Variants in LSAMP observed in about 807,000 individuals in gnomAD.
The protein encoded by LSAMP is limbic system-associated membrane protein.
In LSAMP, 7 loss-of-function variants were observed where a neutral mutation model predicts 38.6. The observed-to-expected ratio is 0.18, with a 90% confidence interval of 0.10 to 0.34. The LOEUF (loss-of-function observed/expected upper bound fraction) is 0.34, where lower values mean the gene tolerates loss of function less well. Among genes scored for constraint, LSAMP ranks in the 10% least tolerant of loss-of-function variants. LSAMP has a pLI of 1.00. For synonymous variants in LSAMP, 154 were observed against 166.8 expected (o/e 0.92, Z 0.59); for missense variants, 313 against 420.0 (o/e 0.75, Z 2.23).
intron 1 of LSAMP, among the ~76,000 whole-genome samples, chr3:116,163,037 T>C (rs1709936438): frequency 6.6e-6 from 1 of 151,712 alleles, no homozygotes; most frequent in Admixed American, 6.6e-5. Context: ...AACAGCAAAA[T>C]GAAAATAATT....
intron 1 of LSAMP, among the ~76,000 whole-genome samples, chr3:116,221,478 A>G (rs1295589533): frequency 1.3e-5 from 2 of 152,072 alleles, no homozygotes; most frequent in Non-Finnish European, 2.9e-5. Flanking sequence ...CAGCCATTCC[A>G]CTTGTATGAG....
At chr3:116,002,030 C>G (rs1940011054) in intron 3 of LSAMP, among the ~76,000 whole-genome samples, 1 of 152,106 alleles carries the variant, frequency 6.6e-6, no homozygotes, top group Admixed American at 6.6e-5. Context: ...TTCTCTTTGA[C>G]TTTAACTTTT....
intron 1 of LSAMP, among the ~76,000 whole-genome samples, chr3:116,307,354 G>A (rs1031672867): frequency 3.0e-4 from 46 of 151,932 alleles, no homozygotes; most frequent in Non-Finnish European, 5.6e-4. Flanking sequence ...AAACTAATTT[G>A]CAATACTTTA....
intron 1 of LSAMP, among the ~76,000 whole-genome samples, chr3:116,092,908 G>A (rs1294340244): frequency 6.6e-6 from 1 of 152,126 alleles, no homozygotes; most frequent in Non-Finnish European, 1.5e-5. Context: ...TATTTAACAA[G>A]CATTAATGGC....
intron 3 of LSAMP, among the ~76,000 whole-genome samples, chr3:115,926,428 T>C (rs1559883761): frequency 6.6e-6 from 1 of 152,208 alleles, no homozygotes; most frequent in African/African-American, 2.4e-5. Flanking sequence ...CATAAACATT[T>C]TTCTAGCACT....
chr3:116,086,689 T>C, intron 1 of LSAMP, 133 bp from the exon 2 acceptor site: 1 of 693,618 alleles, frequency 1.4e-6, no homozygotes, highest in South Asian at 1.9e-5. Flanking sequence ...CATGCCATTC[T>C]TGGAGTCCTT....
intron 1 of LSAMP, among the ~76,000 whole-genome samples, chr3:116,142,783 T>A (rs1709398719): frequency 6.6e-6 from 1 of 151,882 alleles, no homozygotes; most frequent in Non-Finnish European, 1.5e-5. Context: ...TCAGGTTTCA[T>A]CTGAATAACA....
At chr3:115,875,473 T>A (rs1345722196) in intron 3 of LSAMP, among the ~76,000 whole-genome samples, 1 of 152,130 alleles carries the variant, frequency 6.6e-6, no homozygotes, top group Non-Finnish European at 1.5e-5. Context: ...GGGTTCAGAA[T>A]AATTACAATA....
chr3:115,832,559 C>T (rs1396376388), intron 6 of LSAMP, among the ~76,000 whole-genome samples: 2 of 152,076 alleles, frequency 1.3e-5, no homozygotes, highest in Non-Finnish European at 2.9e-5. Flanking sequence ...AGCTGCATTT[C>T]GCTTGGGTTA....
chr3:115,956,085 A>G (rs1938445805), intron 3 of LSAMP, among the ~76,000 whole-genome samples: 1 of 152,146 alleles, frequency 6.6e-6, no homozygotes, highest in Admixed American at 6.5e-5. Context: ...CTCTTTGCTC[A>G]AAACTTCACC....
At chr3:116,036,708 A>G (rs926777527) in intron 2 of LSAMP, among the ~76,000 whole-genome samples, 1 of 141,814 alleles carries the variant, frequency 7.1e-6, no homozygotes, top group Non-Finnish European at 1.5e-5. Context: ...CAAAGATAAT[A>G]TAAGAGTATT....
chr3:115,963,832 C>T (rs9866701), intron 3 of LSAMP, among the ~76,000 whole-genome samples: 7,713 of 152,180 alleles, frequency 0.051, 493 homozygotes, highest in African/African-American at 0.15. Flanking sequence ...CAGCTCACTG[C>T]AGCCTTGCCC....
rs189400073 is a variant in LSAMP, at chr3:116,040,884, G to A, written c.389-21244C>T. Among the ~76,000 whole-genome samples, 15 of 152,146 alleles carry A rather than the reference G, an allele frequency of 9.9e-5. No homozygotes were observed. The East Asian group carries it at 2.3e-3, about 24-fold the overall frequency. On this transcript the variant is annotated intron_variant, in intron 2 of 6. Transcript: ENST00000490035. ...GTTGCTAGAACTACAGATACATGCC[G>A]CCATGCCTGGCTAATTTGTTTTCTT...
At chr3:116,328,166 AT>A (rs1402198489) in intron 1 of LSAMP, among the ~76,000 whole-genome samples, 2 of 152,136 alleles carry the variant, frequency 1.3e-5, no homozygotes, top group African/African-American at 4.8e-5. Flanking sequence ...AAGGAAAGTG[AT>A]CTTCTCCCAT....
intron 1 of LSAMP, among the ~76,000 whole-genome samples, chr3:116,159,211 C>T (rs749389041): frequency 2.0e-5 from 3 of 152,148 alleles, no homozygotes; most frequent in South Asian, 4.1e-4. Flanking sequence ...GATTTCATGA[C>T]GAAGACACCA....
chr3:116,122,862 T>C lies in LSAMP; in HGVS notation c.156-36306A>G, dbSNP rs553201357. Among the ~76,000 whole-genome samples the C allele has an allele frequency of 5.7e-4, 87 of 152,256 alleles. 1 individual carries two copies. The highest frequency in any genetic ancestry group is 2.0e-3 in the African/African-American group (84 of 41,554). On this transcript the variant is annotated intron_variant, in intron 1 of 6. Transcript: ENST00000490035. ...TGGAAACCTTGGGTAAAACACTGGGTCAAGAGCTATGGTATCCATGAGAGA... is the reference window on the plus strand; with the variant it reads ...TGGAAACCTTGGGTAAAACACTGGGCCAAGAGCTATGGTATCCATGAGAGA...
At chr3:116,394,762 C>T (rs9838534) in intron 1 of LSAMP, among the ~76,000 whole-genome samples, 45,311 of 152,126 alleles carry the variant, frequency 0.3, 9,128 homozygotes, top group African/African-American at 0.58. Context: ...TGAACTAATA[C>T]GTGTTTTTCT....
intron 3 of LSAMP, among the ~76,000 whole-genome samples, chr3:115,902,615 G>A (rs1338397435): frequency 2.0e-5 from 3 of 152,066 alleles, no homozygotes; most frequent in African/African-American, 7.2e-5. Flanking sequence ...TTAATATCCA[G>A]CATCTATAAG....
At chr3:115,905,671 A>G (rs937287597) in intron 3 of LSAMP, among the ~76,000 whole-genome samples, 1 of 152,114 alleles carries the variant, frequency 6.6e-6, no homozygotes, top group African/African-American at 2.4e-5. Flanking sequence ...ATACTTGAGA[A>G]CATGTGCTGT....
Sources: allele counts gnomAD v4.1 joint callset (sites outside exome capture counted in the v4.1 genomes callset), GRCh38; gene constraint gnomAD v4.1.1; transcripts MANE v1.5; gene names NCBI Gene and HGNC (gene_info 2026-07-23, HGNC 2026-07-21).